The following BLTP2 variants were observed in gnomAD, a reference collection of about 807,000 sequenced individuals.
BLTP2 encodes U937-associated antigen.
the BLTP2 span, among the ~76,000 whole-genome samples, chr17:28,626,283 A>G: frequency 5.3e-5 from 8 of 152,202 alleles, no homozygotes; most frequent in Non-Finnish European, 2.9e-5. Context: ...GTCTTTGATG[A>G]TCTACCCCAG....
chr17:28,642,240 G>T, the BLTP2 span: 2 of 1,610,818 alleles, frequency 1.2e-6, no homozygotes, highest in Non-Finnish European at 1.7e-6. Flanking sequence ...CGCCCAGGAG[G>T]AAATGAGGCA....
the BLTP2 span, chr17:28,640,306 T>A: frequency 2.0e-6 from 1 of 500,178 alleles, no homozygotes; most frequent in Non-Finnish European, 3.6e-6. Context: ...GGCAGGAGAA[T>A]CGCTTGAACC....
chr17:28,635,066 C>T, the BLTP2 span: 3 of 1,613,410 alleles, frequency 1.9e-6, no homozygotes, highest in African/African-American at 1.3e-5. Flanking sequence ...ACTCCCACAG[C>T]CTCATCTAGA....
chr17:28,634,561 A>C, the BLTP2 span: 1 of 1,614,128 alleles, frequency 6.2e-7, no homozygotes, highest in East Asian at 2.2e-5. Flanking sequence ...ACACCACTGA[A>C]TGACAAGATC....
the BLTP2 span, chr17:28,615,526 G>A: frequency 9.9e-7 from 1 of 1,014,420 alleles, no homozygotes; most frequent in African/African-American, 1.6e-5. Context: ...GGAGAGGGTA[G>A]GCATAGAAGC....
At chr17:28,618,894 C>T in the BLTP2 span, 16 of 1,614,168 alleles carry the variant, frequency 9.9e-6, no homozygotes, top group East Asian at 2.2e-5. Flanking sequence ...CTCAGTGCGA[C>T]GGACCACACT....
chr17:28,639,185 T>C, the BLTP2 span: 1 of 861,174 alleles, frequency 1.2e-6, no homozygotes, highest in Non-Finnish European at 1.9e-6. Context: ...TAAAACAGGA[T>C]TGCTGTTGAG....
At chr17:28,638,312 T>C in the BLTP2 span, 1 of 1,613,606 alleles carries the variant, frequency 6.2e-7, no homozygotes. Context: ...TGGGTGGGTG[T>C]GGCGCCCGCT....
the BLTP2 span, chr17:28,637,724 T>G: frequency 8.9e-5 from 87 of 972,290 alleles, no homozygotes; most frequent in Non-Finnish European, 1.8e-5. Context: ...CAGGCTCGAG[T>G]GCAGTGGCAC....
At chr17:28,633,682 C>G in the BLTP2 span, 3 of 1,614,156 alleles carry the variant, frequency 1.9e-6, no homozygotes, top group Non-Finnish European at 2.5e-6. Context: ...GAGGTCCACA[C>G]ACTGGCCAAT....
chr17:28,638,347 G>A, the BLTP2 span: 7 of 1,613,974 alleles, frequency 4.3e-6, no homozygotes, highest in African/African-American at 2.7e-5. Flanking sequence ...CTGCCCACAC[G>A]CCAGCAGAGG....
the BLTP2 span, chr17:28,637,801 A>G: frequency 6.3e-7 from 1 of 1,594,550 alleles, no homozygotes; most frequent in Non-Finnish European, 8.5e-7. Context: ...TCTCCCAAGT[A>G]GCACACTTCA....
the BLTP2 span, chr17:28,617,030 C>T: frequency 1.7e-5 from 26 of 1,515,950 alleles, no homozygotes; most frequent in Non-Finnish European, 2.2e-5. Flanking sequence ...AAGAGCCCAA[C>T]CCAATGTCCT....
At chr17:28,620,404 C>G in the BLTP2 span, 5 of 1,366,410 alleles carry the variant, frequency 3.7e-6, no homozygotes, top group East Asian at 1.2e-4. Context: ...CCACAAGGCC[C>G]TTTTTCAGTG....
chr17:28,644,898 G>C, the BLTP2 span: 8 of 1,133,992 alleles, frequency 7.1e-6, no homozygotes, highest in Non-Finnish European at 1.0e-5. Context: ...GCCTCAGTAA[G>C]GCGCGCGCCC....
At chr17:28,633,206 A>G in the BLTP2 span, 1 of 1,597,824 alleles carries the variant, frequency 6.3e-7, no homozygotes, top group South Asian at 1.1e-5. Context: ...CTGGTCACTC[A>G]CTTCCCCTTG....
the BLTP2 span, chr17:28,628,231 C>T: frequency 6.2e-7 from 1 of 1,603,402 alleles, no homozygotes; most frequent in Non-Finnish European, 8.5e-7. Flanking sequence ...TGTTCTAAAC[C>T]CAAACCCAAA....
chr17:28,638,074 C>T, the BLTP2 span: 1 of 1,614,100 alleles, frequency 6.2e-7, no homozygotes, highest in South Asian at 1.1e-5. Context: ...TGGACAGGCC[C>T]AGAGGCTGGT....
chr17:28,639,320 T>C, the BLTP2 span: 2 of 1,614,198 alleles, frequency 1.2e-6, no homozygotes, highest in South Asian at 1.1e-5. Flanking sequence ...CTGACCTTTT[T>C]TTCCTTTGCT....
Sources: allele counts gnomAD v4.1 joint callset (sites outside exome capture counted in the v4.1 genomes callset), GRCh38; gene constraint gnomAD v4.1.1; transcripts MANE v1.5; gene names NCBI Gene and HGNC (gene_info 2026-07-23, HGNC 2026-07-21).